Variants in KLRG1 observed in about 807,000 individuals in gnomAD.
KLRG1 encodes the protein killer cell lectin-like receptor subfamily G member 1.
A neutral mutation model predicts 21.8 loss-of-function variants in KLRG1; 16 were observed. The ratio of observed to expected loss-of-function variants is 0.73; its 90% confidence interval spans 0.50 to 1.11. The LOEUF (loss-of-function observed/expected upper bound fraction) is 1.11, where lower values mean the gene tolerates loss of function less well. Ranked by LOEUF, KLRG1 falls within the 50% of genes most tolerant of loss-of-function variation. The pLI, the probability that KLRG1 is intolerant of heterozygous loss-of-function variation, is 0.00. For synonymous variants in KLRG1, 69 were observed against 75.9 expected, an observed-to-expected ratio of 0.91 and a Z score of 0.47; for missense variants, 173 against 218.3, an observed-to-expected ratio of 0.79 and a Z score of 1.31.
At chr12:9,194,733 G>A in the KLRG1 span, among the ~76,000 whole-genome samples, 53 of 152,206 alleles carry the variant, frequency 3.5e-4, no homozygotes, top group East Asian at 1.4e-3. Context: ...GAAAGTGCTG[G>A]GATTACAGGC....
the KLRG1 span, among the ~76,000 whole-genome samples, chr12:9,209,368 A>G: frequency 2.0e-5 from 3 of 152,034 alleles, no homozygotes; most frequent in Non-Finnish European, 4.4e-5. Context: ...TTTATTTCAC[A>G]TCTTTGTTTC....
chr12:9,099,905 T>C, the KLRG1 span, among the ~76,000 whole-genome samples: 2 of 152,230 alleles, frequency 1.3e-5, no homozygotes, highest in South Asian at 4.1e-4. Context: ...TGAGCCAATA[T>C]TTGGTTCTTT....
the KLRG1 span, among the ~76,000 whole-genome samples, chr12:9,156,613 A>G: frequency 2.6e-5 from 4 of 152,324 alleles, no homozygotes; most frequent in East Asian, 1.9e-4. Flanking sequence ...CTATTTGTCT[A>G]TTATATTGGT....
the KLRG1 span, among the ~76,000 whole-genome samples, chr12:9,094,740 C>T: frequency 1.3e-5 from 2 of 152,132 alleles, no homozygotes; most frequent in South Asian, 2.1e-4. Flanking sequence ...ATTTCTATTT[C>T]TGTTTACACT....
the KLRG1 span, chr12:9,113,332 G>C: frequency 3.7e-6 from 6 of 1,609,276 alleles, no homozygotes; most frequent in Non-Finnish European, 5.1e-6. Context: ...AAAGAACCAA[G>C]TATATTAAGT....
chr12:9,057,777 T>G, the KLRG1 span: 1 of 152,412 alleles, frequency 6.6e-6, no homozygotes, highest in Non-Finnish European at 1.5e-5. Flanking sequence ...CTCTTTTTCC[T>G]TAGCATCAGT....
the KLRG1 span, among the ~76,000 whole-genome samples, chr12:9,172,898 G>T: frequency 6.6e-6 from 1 of 152,160 alleles, no homozygotes. Context: ...ACACACCACT[G>T]ACAATATTAG....
chr12:9,208,340 A>T, the KLRG1 span: 1 of 1,611,998 alleles, frequency 6.2e-7, no homozygotes, highest in Non-Finnish European at 8.5e-7. Flanking sequence ...GTCTTTCCGC[A>T]TTGTGAGGGA....
At chr12:9,211,764 C>A in the KLRG1 span, among the ~76,000 whole-genome samples, 1 of 152,328 alleles carries the variant, frequency 6.6e-6, no homozygotes, top group South Asian at 2.1e-4. Flanking sequence ...TCCTCAGGAT[C>A]CTCCTGTTGG....
chr12:9,063,660 C>T, the KLRG1 span, among the ~76,000 whole-genome samples: 3 of 152,076 alleles, frequency 2.0e-5, no homozygotes, highest in Admixed American at 6.5e-5. Flanking sequence ...GTGTAATACC[C>T]CAAAACTTGA....
chr12:9,200,874 A>G, the KLRG1 span: 9 of 1,591,720 alleles, frequency 5.7e-6, no homozygotes, highest in Non-Finnish European at 7.7e-6. Context: ...TGCCTTTTTC[A>G]TCTTCCATAA....
the KLRG1 span, among the ~76,000 whole-genome samples, chr12:9,185,853 G>A: frequency 3.3e-5 from 3 of 91,158 alleles, no homozygotes; most frequent in African/African-American, 1.4e-4. Flanking sequence ...CTGTCACCAG[G>A]CTGGAGTGCA....
At chr12:9,120,757 C>A in the KLRG1 span, among the ~76,000 whole-genome samples, 1 of 151,956 alleles carries the variant, frequency 6.6e-6, no homozygotes, top group African/African-American at 2.4e-5. Flanking sequence ...GACGAAGTAT[C>A]TTGGGCAAAA....
the KLRG1 span, among the ~76,000 whole-genome samples, chr12:9,063,623 T>C: frequency 6.6e-6 from 1 of 152,144 alleles, no homozygotes; most frequent in African/African-American, 2.4e-5. Context: ...AATTAGGCCT[T>C]TTCTCCAGTA....
chr12:9,088,690 C>G, the KLRG1 span, among the ~76,000 whole-genome samples: 1 of 152,022 alleles, frequency 6.6e-6, no homozygotes, highest in Non-Finnish European at 1.5e-5. Flanking sequence ...TTCTTCAGTT[C>G]CTTCTCAAAT....
the KLRG1 span, among the ~76,000 whole-genome samples, chr12:9,205,410 T>C: frequency 2.6e-5 from 4 of 152,218 alleles, no homozygotes; most frequent in Non-Finnish European, 4.4e-5. Context: ...ACAAGAATTG[T>C]TAAGCTGTCT....
chr12:9,168,895 C>A, the KLRG1 span: 1 of 1,613,990 alleles, frequency 6.2e-7, no homozygotes, highest in Admixed American at 1.7e-5. Context: ...ACCTACTGCT[C>A]CTGCAGACAC....
At chr12:9,118,221 A>G in the KLRG1 span, among the ~76,000 whole-genome samples, 5 of 152,232 alleles carry the variant, frequency 3.3e-5, no homozygotes, top group Non-Finnish European at 5.9e-5. Context: ...CTTTAATAAT[A>G]GAACTCCCGA....
At chr12:9,106,454 T>C in the KLRG1 span, 2 of 1,453,246 alleles carry the variant, frequency 1.4e-6, no homozygotes, top group African/African-American at 2.8e-5. Flanking sequence ...AATCAATGCC[T>C]GTTGTGTTTT....
Sources: gnomAD v4.1 joint callset for allele counts (sites outside exome capture counted in the v4.1 genomes callset) on GRCh38, gnomAD v4.1.1 for gene constraint, MANE v1.5 for transcripts, NCBI Gene and HGNC (gene_info 2026-07-23, HGNC 2026-07-21) for gene names.